LIN7A: variants seen among roughly 807,000 people sequenced by gnomAD.
LIN7A encodes lin-7 cell polarity scaffold A.
Under a neutral mutation model 29.8 loss-of-function variants are expected in LIN7A, and 25 were observed. That is an observed-to-expected ratio of 0.84 (90% CI 0.61 to 1.17). The LOEUF (loss-of-function observed/expected upper bound fraction) is 1.17. LIN7A is among the 50% of genes most tolerant of loss of function. The pLI is 0.00. For missense variants in LIN7A, 239 were observed against 287.0 expected (o/e 0.83, Z 1.21); for synonymous variants, 118 against 107.5 (o/e 1.10, Z -0.60).
At chr12:80,862,608 G>C (rs1320782590) in intron 2 of LIN7A, among the ~76,000 whole-genome samples, 1 of 152,114 alleles carries the variant, frequency 6.6e-6, no homozygotes, top group Non-Finnish European at 1.5e-5. Context: ...TATCTAACAC[G>C]TATTTTCTCT....
At chr12:80,927,328 A>AT (rs1420805424) in intron 1 of LIN7A, among the ~76,000 whole-genome samples, 1 of 151,604 alleles carries the variant, frequency 6.6e-6, no homozygotes, top group African/African-American at 2.4e-5. Flanking sequence ...CGCCCAGCTA[A>AT]TTTTTTGTAT....
chr12:80,847,116 A>G (rs986741642), intron 3 of LIN7A, among the ~76,000 whole-genome samples: 2 of 152,228 alleles, frequency 1.3e-5, no homozygotes, highest in African/African-American at 4.8e-5. Flanking sequence ...ATTGTCATGC[A>G]TAGATTTTAA....
chr12:80,811,413 G>A (rs1024766000), intron 5 of LIN7A, 52 bp downstream of exon 5: 12 of 702,728 alleles, frequency 1.7e-5, no homozygotes, highest in South Asian at 6.2e-5. Context: ...ACATATATGT[G>A]TGTGTGTATA....
chr12:80,934,899 T>C (rs961944966), intron 1 of LIN7A, among the ~76,000 whole-genome samples: 5 of 152,164 alleles, frequency 3.3e-5, no homozygotes, highest in African/African-American at 1.2e-4. Context: ...CAATTCCTCT[T>C]GGTTAAACAT....
chr12:80,828,884 A>C (rs12425130), intron 4 of LIN7A, among the ~76,000 whole-genome samples: 1 of 151,918 alleles, frequency 6.6e-6, no homozygotes, highest in Non-Finnish European at 1.5e-5. Flanking sequence ...GTGTTTCTAC[A>C]CGTGGAGAGA....
intron 3 of LIN7A, chr12:80,847,988 C>A: frequency 1.8e-6 from 1 of 549,270 alleles, no homozygotes; most frequent in South Asian, 1.8e-5. Flanking sequence ...ACACAATGAA[C>A]CAGTAGATTT....
rs143900630 is a variant in LIN7A at position 80,889,401 on chromosome 12, T to C, written c.83-32A>G. On this transcript the variant is annotated intron_variant, in intron 1 of 5. Transcript: ENST00000552864. ...GAAAAAAAATGAAAATAGAGAAACC[T>C]AGAATAAATTGTATCTCATCAGCTG... 2.3e-4 allele frequency: 295 copies of C among 1,306,760 alleles called. 1 individual carries two copies. The East Asian group carries it at 6.2e-3, about 28-fold the overall frequency. The allele number at this position is 1,306,760 out of a possible 1,614,324, so 80.9% of individuals were successfully genotyped here. A position where few individuals can be genotyped will look rare whatever the true frequency, so the allele number is the denominator to read the frequency against.
chr12:80,813,559 AAAC>A (rs1203471265), intron 4 of LIN7A, among the ~76,000 whole-genome samples: 19 of 152,292 alleles, frequency 1.2e-4, no homozygotes, highest in African/African-American at 4.6e-4. Flanking sequence ...AGAAAACAAA[AAAC>A]AAATCAATTC....
intron 2 of LIN7A, among the ~76,000 whole-genome samples, chr12:80,851,271 G>C (rs891842595): frequency 2.6e-5 from 4 of 151,740 alleles, no homozygotes; most frequent in Admixed American, 2.0e-4. Context: ...AAATTCATTA[G>C]TCCACAGTGA....
At chr12:80,853,131 C>T (rs918275346) in intron 2 of LIN7A, among the ~76,000 whole-genome samples, 2 of 152,118 alleles carry the variant, frequency 1.3e-5, no homozygotes, top group African/African-American at 4.8e-5. Context: ...GCCACTACAG[C>T]TGGACTTTCT....
intron 4 of LIN7A, among the ~76,000 whole-genome samples, chr12:80,842,838 G>A (rs1419126312): frequency 6.6e-6 from 1 of 152,022 alleles, no homozygotes; most frequent in Admixed American, 6.6e-5. Flanking sequence ...TTGTTAAAGA[G>A]CACATAACTT....
At chr12:80,905,226 GTC>G (rs1876415386) in intron 1 of LIN7A, among the ~76,000 whole-genome samples, 1 of 150,890 alleles carries the variant, frequency 6.6e-6, no homozygotes, top group African/African-American at 2.4e-5. Flanking sequence ...GTGTGGCTCT[GTC>G]ACCCAGGCTG....
At chr12:80,877,869 A>C (rs1215282266) in intron 2 of LIN7A, among the ~76,000 whole-genome samples, 5 of 136,330 alleles carry the variant, frequency 3.7e-5, no homozygotes, top group Non-Finnish European at 7.7e-5. Context: ...CACTGGGAAG[A>C]AAAAAAAAAA....
chr12:80,798,493 G>C (rs1870561403), intron 5 of LIN7A, among the ~76,000 whole-genome samples: 1 of 152,086 alleles, frequency 6.6e-6, no homozygotes, highest in African/African-American at 2.4e-5. Flanking sequence ...CTACTGAGTG[G>C]ATTGAAAACC....
intron 5 of LIN7A, among the ~76,000 whole-genome samples, chr12:80,800,727 C>T (rs959645615): frequency 4.0e-5 from 6 of 151,838 alleles, no homozygotes; most frequent in Admixed American, 2.6e-4. Flanking sequence ...AGAAGCAGAG[C>T]GAATATTTCC....
At position 80,811,773 on chromosome 12, in the gene LIN7A, C is replaced by G; in HGVS notation, c.484-90G>C. On this transcript the variant is annotated intron_variant, in intron 4 of 5. Transcript: ENST00000552864. Reference sequence around the variant, plus strand: ...TGAAATTAATATCACATTAAGAACCCAAAATTTAAAATTTTAAGAAAACAT... The same window carrying G: ...TGAAATTAATATCACATTAAGAACCGAAAATTTAAAATTTTAAGAAAACAT... 3 of 1,460,896 alleles carry G rather than the reference C, an allele frequency of 2.1e-6. No homozygotes were observed. In the South Asian group the frequency reaches 4.0e-5, roughly 20 times the overall value. The allele number at this position is 1,460,896 out of a possible 1,614,324, so 90.5% of individuals were successfully genotyped here. A position where few individuals can be genotyped will look rare whatever the true frequency, so the allele number is the denominator to read the frequency against.
intron 2 of LIN7A, among the ~76,000 whole-genome samples, chr12:80,864,951 T>A (rs1874063292): frequency 6.6e-6 from 1 of 152,218 alleles, no homozygotes; most frequent in South Asian, 2.1e-4. Context: ...TAGGTTGAAG[T>A]GCTTCATTAG....
chr12:80,845,626 A>G, intron 4 of LIN7A, 104 bp downstream of exon 4: 1 of 874,392 alleles, frequency 1.1e-6, no homozygotes, highest in Non-Finnish European at 1.8e-6. Context: ...TAGACATAAA[A>G]TGAATATTTA....
At chr12:80,894,728 T>A (rs1023602480) in intron 1 of LIN7A, among the ~76,000 whole-genome samples, 2 of 152,198 alleles carry the variant, frequency 1.3e-5, no homozygotes, top group Non-Finnish European at 2.9e-5. Flanking sequence ...ACAAATGCAC[T>A]CTACAGATCA....
Sources: gnomAD v4.1 joint callset for allele counts (sites outside exome capture counted in the v4.1 genomes callset) on GRCh38, gnomAD v4.1.1 for gene constraint, MANE v1.5 for transcripts, NCBI Gene and HGNC (gene_info 2026-07-23, HGNC 2026-07-21) for gene names.